LITAF: variants seen among roughly 807,000 people sequenced by gnomAD.
LITAF encodes the protein lipopolysaccharide-induced tumor necrosis factor-alpha factor.
Under a neutral mutation model 14.5 loss-of-function variants are expected in LITAF, and 9 were observed. That is an observed-to-expected ratio of 0.62 (90% CI 0.37 to 1.08). The LOEUF (loss-of-function observed/expected upper bound fraction) is 1.08, where lower values mean the gene tolerates loss of function less well. LITAF is among the 50% of genes least tolerant of loss of function. The pLI is 0.01. For synonymous variants in LITAF, 98 were observed against 88.2 expected (o/e 1.11, Z -0.62); for missense variants, 206 against 213.4 (o/e 0.97, Z 0.22).
chr16:11,575,167 A>G (rs1196229605), intron 1 of LITAF, among the ~76,000 whole-genome samples: 6 of 152,140 alleles, frequency 3.9e-5, no homozygotes, highest in Admixed American at 1.3e-4. Flanking sequence ...CTAAACACCA[A>G]TGGTGGACAA....
chr16:11,572,524 C>G (rs1394310254), intron 1 of LITAF, among the ~76,000 whole-genome samples: 1 of 152,008 alleles, frequency 6.6e-6, no homozygotes, highest in Non-Finnish European at 1.5e-5. Context: ...GCTGACGGGA[C>G]ATCACACACC....
chr16:11,557,074 G>GTTTCTTTT (rs112158406), intron 1 of LITAF, among the ~76,000 whole-genome samples: 3 of 149,206 alleles, frequency 2.0e-5, no homozygotes, highest in Non-Finnish European at 4.5e-5. Context: ...GTTTTTTTTT[G>GTTTCTTTT]TTTGTTTTTT....
chr16:11,571,930 C>G (rs558590695), intron 1 of LITAF, among the ~76,000 whole-genome samples: 1 of 151,748 alleles, frequency 6.6e-6, no homozygotes, highest in Non-Finnish European at 1.5e-5. Context: ...AACTCTGTCT[C>G]TTTTTTTAAT....
At chr16:11,617,220 A>C (rs1404048632) in intron 3 of LITAF, among the ~76,000 whole-genome samples, 6 of 152,022 alleles carry the variant, frequency 3.9e-5, no homozygotes, top group Non-Finnish European at 8.8e-5. Context: ...ACTCCAACTC[A>C]AAAAAATAAA....
chr16:11,624,955 G>A (rs1253330522), intron 3 of LITAF, among the ~76,000 whole-genome samples: 1 of 152,098 alleles, frequency 6.6e-6, no homozygotes, highest in Non-Finnish European at 1.5e-5. Flanking sequence ...CCATAAGAAG[G>A]CAAACAGCCC....
intron 1 of LITAF, among the ~76,000 whole-genome samples, chr16:11,597,970 T>C (rs150924434): frequency 2.1e-4 from 32 of 152,158 alleles, no homozygotes; most frequent in African/African-American, 6.7e-4. Flanking sequence ...GCAGTGGCGC[T>C]ATCATAGCTC....
chr16:11,588,702 A>T (rs1567255860), upstream of LITAF, among the ~76,000 whole-genome samples: 1 of 152,162 alleles, frequency 6.6e-6, no homozygotes, highest in Non-Finnish European at 1.5e-5. Flanking sequence ...ACCAATTATT[A>T]TACTGACATT....
intron 3 of LITAF, among the ~76,000 whole-genome samples, chr16:11,617,252 C>A (rs1444658889): frequency 6.6e-6 from 1 of 151,830 alleles, no homozygotes; most frequent in Non-Finnish European, 1.5e-5. Flanking sequence ...AAAAAAGATG[C>A]CAGCACATTG....
chr16:11,637,938 C>CTATATATCTA (rs1462846309), upstream of LITAF, among the ~76,000 whole-genome samples: 1 of 74,788 alleles, frequency 1.3e-5, no homozygotes, highest in Non-Finnish European at 2.3e-5. Context: ...ATATCTATAT[C>CTATATATCTA]TATATATCTA....
chr16:11,595,925 C>T (rs1417321621), intron 1 of LITAF, among the ~76,000 whole-genome samples: 1 of 152,020 alleles, frequency 6.6e-6, no homozygotes, highest in Non-Finnish European at 1.5e-5. Flanking sequence ...CTTTGGAATT[C>T]AAATGTAACT....
chr16:11,603,006 C>T (rs952628307), upstream of LITAF, among the ~76,000 whole-genome samples: 3 of 152,032 alleles, frequency 2.0e-5, no homozygotes, highest in Non-Finnish European at 2.9e-5. Flanking sequence ...CCCAGCTACT[C>T]GGGAGGCTGA....
At chr16:11,568,892 C>G (rs1378372735) in intron 1 of LITAF, among the ~76,000 whole-genome samples, 4 of 152,178 alleles carry the variant, frequency 2.6e-5, no homozygotes, top group Admixed American at 6.5e-5. Flanking sequence ...ATTGGCCAAC[C>G]TGGTCTCCAA....
upstream of LITAF, among the ~76,000 whole-genome samples, chr16:11,600,992 T>G (rs1460040657): frequency 6.6e-6 from 1 of 152,044 alleles, no homozygotes; most frequent in East Asian, 1.9e-4. This position sits in a 1 kb window ranked among gnomAD's most constrained non-coding sequence, Gnocchi z 4.1. Flanking sequence ...TGTCGCCTAC[T>G]GGGGGTCCCT....
At chr16:11,630,484 C>T (rs1231427311) in intron 3 of LITAF, among the ~76,000 whole-genome samples, 1 of 152,140 alleles carries the variant, frequency 6.6e-6, no homozygotes, top group Admixed American at 6.6e-5. Context: ...TGTGCCCCGC[C>T]TGCTCCAGGC....
upstream of LITAF, among the ~76,000 whole-genome samples, chr16:11,592,116 G>A (rs1322460996): frequency 1.3e-5 from 2 of 152,176 alleles, no homozygotes; most frequent in Admixed American, 1.3e-4. Context: ...CATCAGAATG[G>A]AAAACTTTTG....
Position 11,605,906 on chromosome 16 carries a change from G to A in LITAF, c.85+27627C>T, listed in dbSNP as rs1006439999. Among the ~76,000 whole-genome samples, 1 of 152,162 alleles carries A rather than the reference G, an allele frequency of 6.6e-6. No homozygotes were observed. The highest frequency in any genetic ancestry group is 1.9e-4 in the East Asian group (1 of 5,200). Reference sequence around the variant, plus strand: ...TCAATAGCTGCCTCTTTAGGATCAAGACCAACCTCTCCCACGGCCTGCGCA... The same window carrying A: ...TCAATAGCTGCCTCTTTAGGATCAAAACCAACCTCTCCCACGGCCTGCGCA... On this transcript the variant is annotated intron_variant, in intron 3 of 3. Transcript: ENST00000574848. This position sits in a 1 kb window ranked among gnomAD's most constrained non-coding sequence, Gnocchi z 4.7.
intron 3 of LITAF, among the ~76,000 whole-genome samples, chr16:11,618,557 T>G (rs2065031047): frequency 6.6e-6 from 1 of 152,228 alleles, no homozygotes; most frequent in South Asian, 2.1e-4. Context: ...CCCCGGGCTT[T>G]CGCTGTGTGC....
chr16:11,612,960 T>C (rs1265221356), intron 3 of LITAF, among the ~76,000 whole-genome samples: 1 of 152,204 alleles, frequency 6.6e-6, no homozygotes, highest in Non-Finnish European at 1.5e-5. Flanking sequence ...GCACAGCCGA[T>C]GGCCTGGGTG....
intron 1 of LITAF, among the ~76,000 whole-genome samples, chr16:11,596,880 C>T (rs886800434): frequency 1.3e-5 from 2 of 151,856 alleles, no homozygotes; most frequent in Admixed American, 1.3e-4. Context: ...GCTGAGTACC[C>T]ACTGGGTGCC....
Sources: allele counts gnomAD v4.1 joint callset (sites outside exome capture counted in the v4.1 genomes callset), GRCh38; gene constraint gnomAD v4.1.1; non-coding constraint Gnocchi (gnomAD v3.1); transcripts MANE v1.5; gene names NCBI Gene and HGNC (gene_info 2026-07-23, HGNC 2026-07-21).